The following TTC22 variants were observed in gnomAD, a reference collection of about 807,000 sequenced individuals.
The protein encoded by TTC22 is tetratricopeptide repeat protein 22.
A neutral mutation model predicts 48.2 loss-of-function variants in TTC22; 42 were observed. The ratio of observed to expected loss-of-function variants is 0.87; its 90% confidence interval spans 0.68 to 1.13. TTC22 has a LOEUF of 1.13. TTC22 is among the 50% of genes most tolerant of loss of function. TTC22 has a pLI of 0.00. For synonymous variants in TTC22, 345 were observed against 365.5 expected, an observed-to-expected ratio of 0.94 and a Z score of 0.64; for missense variants, 784 against 807.0, an observed-to-expected ratio of 0.97 and a Z score of 0.34.
intron 1 of TTC22, among the ~76,000 whole-genome samples, chr1:54,789,648 C>G (rs1050168096): frequency 3.3e-5 from 5 of 151,442 alleles, no homozygotes; most frequent in Non-Finnish European, 5.9e-5. Flanking sequence ...CTCTGTGTGG[C>G]TCTCGGCTGG....
chr1:54,787,926 G>T, intron 2 of TTC22, 100 bp from the exon 3 acceptor site: 1 of 1,476,500 alleles, frequency 6.8e-7, no homozygotes, highest in Non-Finnish European at 9.4e-7. Context: ...GTGGCGGTTT[G>T]GGGAGCCCTT....
Position 54,800,584 on chromosome 1 carries a change from A to G in TTC22, c.567+13T>C, listed in dbSNP as rs1294686989. ...TCCTCCCAGAGGGAGGTAGGGAGACAGGGGTCACCTACCTGCTGCCCGTAG... is the reference window on the plus strand; with the variant it reads ...TCCTCCCAGAGGGAGGTAGGGAGACGGGGGTCACCTACCTGCTGCCCGTAG... On this transcript the variant is annotated intron_variant, in intron 1 of 6. Transcript: ENST00000371276. 1.3e-6 allele frequency: 2 copies of G among 1,487,388 alleles called. No homozygotes were observed. Among genetic ancestry groups the G allele is most frequent in the Non-Finnish European group, 1.8e-6 (2 of 1,131,454 alleles). 92.1% of individuals were successfully genotyped at this position (1,487,388 alleles called of 1,614,324 possible). A position where few individuals can be genotyped will look rare whatever the true frequency, so the allele number is the denominator to read the frequency against.
chr1:54,799,387 C>T (rs948149729), intron 1 of TTC22, among the ~76,000 whole-genome samples: 3 of 151,384 alleles, frequency 2.0e-5, no homozygotes, highest in Admixed American at 6.5e-5. Context: ...CCCCAGTGAA[C>T]GGCCTCCTAA....
chr1:54,792,877 G>C (rs1387035546), intron 1 of TTC22: 2 of 152,164 alleles, frequency 1.3e-5, no homozygotes, highest in African/African-American at 4.8e-5. Flanking sequence ...TCCCCTCCTG[G>C]AGAAGGGAGG....
rs77977402 is a variant in TTC22, at chr1:54,793,909, C to T, written c.568-5812G>A. Among the ~76,000 whole-genome samples, 776 of 152,296 alleles carry T rather than the reference C, an allele frequency of 5.1e-3. 6 individuals are homozygous for T. Among genetic ancestry groups the T allele is most frequent in the African/African-American group, 0.017 (721 of 41,556 alleles). On this transcript the variant is annotated intron_variant, in intron 1 of 6. Transcript: ENST00000371276. Reference sequence around the variant, plus strand: ...GGCTGAGAACTCTGCGAGTTAGCTCCAGAGTCTTTGCCTCCAACTACCCTA... The same window carrying T: ...GGCTGAGAACTCTGCGAGTTAGCTCTAGAGTCTTTGCCTCCAACTACCCTA...
At chr1:54,783,404 TCCTTG>T (rs1264520111) in intron 5 of TTC22, among the ~76,000 whole-genome samples, 2 of 152,218 alleles carry the variant, frequency 1.3e-5, no homozygotes, top group African/African-American at 4.8e-5. Context: ...ATGAATATCT[TCCTTG>T]GGGAATTACC....
intron 5 of TTC22, among the ~76,000 whole-genome samples, chr1:54,783,406 C>T (rs1045835301): frequency 3.9e-5 from 6 of 152,130 alleles, no homozygotes; most frequent in African/African-American, 1.4e-4. Context: ...GAATATCTTC[C>T]TTGGGGAATT....
chr1:54,786,812 G>A, intron 4 of TTC22, 145 bp downstream of exon 4: 1 of 443,290 alleles, frequency 2.3e-6, no homozygotes, highest in East Asian at 3.5e-5. Context: ...AGAGAGGATG[G>A]AGAGCAAGGT....
chr1:54,800,273 A>G (rs1346918471), intron 1 of TTC22, among the ~76,000 whole-genome samples: 2 of 152,088 alleles, frequency 1.3e-5, no homozygotes, highest in Non-Finnish European at 2.9e-5. Flanking sequence ...TGTGCCTTTT[A>G]CTTAGGTGGG....
chr1:54,786,303 CACAT>C, intron 4 of TTC22, 159 bp from the exon 5 acceptor site: 1 of 639,842 alleles, frequency 1.6e-6, no homozygotes, highest in East Asian at 2.9e-5. Context: ...AGTAAGTTGT[CACAT>C]CACGAAGCCC....
intron 1 of TTC22, among the ~76,000 whole-genome samples, chr1:54,789,622 A>G (rs1646335141): frequency 6.6e-6 from 1 of 152,216 alleles, no homozygotes; most frequent in African/African-American, 2.4e-5. Flanking sequence ...CTCAGTCAGT[A>G]TTCCCTGAGT....
At chr1:54,785,632 T>C (rs530682460) in intron 5 of TTC22, 29 of 424,410 alleles carry the variant, frequency 6.8e-5, no homozygotes, top group African/African-American at 4.9e-4. Context: ...GGCAACATAG[T>C]GAGACCTCGT....
At chr1:54,788,183 G>C (rs1007750669) in intron 1 of TTC22, 86 bp from the exon 2 acceptor site, 8 of 1,309,150 alleles carry the variant, frequency 6.1e-6, no homozygotes, top group African/African-American at 5.8e-5. Flanking sequence ...TGAACCCCAA[G>C]AGGCAGCAGG....
intron 1 of TTC22, among the ~76,000 whole-genome samples, chr1:54,789,090 A>G (rs966494623): frequency 3.3e-5 from 5 of 152,256 alleles, no homozygotes; most frequent in Non-Finnish European, 7.3e-5. Flanking sequence ...TGAAGCTCAG[A>G]GAGATAAAGT....
rs1263723469 is a variant in TTC22 at position 54,781,307 on chromosome 1, T to C, written c.1646A>G (p.Glu549Gly). ...GRPALVRLLF[E>G]TMEREGEGAS... Reference sequence around the variant, plus strand: ...GCCCTCGCCCTCGCGCTCCATGGTCTCGAAGAGCAGCCGCACCAGCGCCGG... The same window carrying C: ...GCCCTCGCCCTCGCGCTCCATGGTCCCGAAGAGCAGCCGCACCAGCGCCGG... The change falls in exon 7 of 7, where the codon GAG (glutamate) becomes GGG (glycine). Residue 549 changes from glutamate to glycine, a missense_variant. Physicochemically the swap from Glu to Gly is moderately conservative, Grantham distance 98. Coordinates refer to ENST00000371276, the MANE Select transcript of TTC22 (RefSeq NM_001114108.2). The C allele has an allele frequency of 6.8e-7, 1 of 1,466,606 alleles. No individual in the cohort carries two copies. Among genetic ancestry groups the C allele is most frequent in the Non-Finnish European group, 8.9e-7 (1 of 1,118,114 alleles). 90.8% of individuals were successfully genotyped at this position (1,466,606 alleles called of 1,614,324 possible). A position where few individuals can be genotyped will look rare whatever the true frequency, so the allele number is the denominator to read the frequency against.
intron 1 of TTC22, among the ~76,000 whole-genome samples, chr1:54,796,654 G>A (rs880756): frequency 0.59 from 90,326 of 152,032 alleles, 27,023 homozygotes; most frequent in South Asian, 0.7. Context: ...TGGGAAAAGG[G>A]GAAGAAAATA....
In TTC22 at chr1:54,781,196, GGGCCTGGGCGGGGTCCCAGGGAGCCTCC is replaced by G. The variant is rs1570102379; in HGVS notation, c.*19_*46del. 3 of 1,324,714 alleles carry G rather than the reference GGGCCTGGGCGGGGTCCCAGGGAGCCTCC, an allele frequency of 2.3e-6. No homozygotes were observed. The highest frequency in any genetic ancestry group is 9.7e-7 in the Non-Finnish European group (1 of 1,025,682). The allele number at this position is 1,324,714 out of a possible 1,614,324, so 82.1% of individuals were successfully genotyped here. The stretch of plus-strand genomic sequence containing the variant: ...CGGACCTGGTCCCATCAGCTGGGCG[GGGCCTGGGCGGGGTCCCAGGGAGCCTCC>G]GGCCTGGGCACCTGAGCCCTAGAAT... On this transcript the variant is annotated 3_prime_UTR_variant, in exon 7 of 7. Transcript: ENST00000371276.
intron 5 of TTC22, chr1:54,785,443 G>C (rs1646292613): frequency 2.7e-6 from 1 of 368,280 alleles, no homozygotes; most frequent in African/African-American, 2.2e-5. Flanking sequence ...ATCCAGAAGA[G>C]GCTGGGGGCT....
chr1:54,799,581 C>T (rs548012023), intron 1 of TTC22, among the ~76,000 whole-genome samples: 1 of 152,218 alleles, frequency 6.6e-6, no homozygotes, highest in Non-Finnish European at 1.5e-5. Context: ...CCATGACCTG[C>T]TGTCATGACC....
Sources: gnomAD v4.1 joint callset for allele counts (sites outside exome capture counted in the v4.1 genomes callset) on GRCh38, gnomAD v4.1.1 for gene constraint, MANE v1.5 for transcripts, NCBI Gene and HGNC (gene_info 2026-07-23, HGNC 2026-07-21) for gene names.